Variants in MICAL2 observed in about 807,000 individuals in gnomAD.
MICAL2 encodes microtubule associated monooxygenase, calponin and LIM domain containing 2.
A neutral mutation model predicts 127.3 loss-of-function variants in MICAL2; 77 were observed. That is an observed-to-expected ratio of 0.60 (90% CI 0.50 to 0.73). The LOEUF (loss-of-function observed/expected upper bound fraction) is 0.73. Among genes scored for constraint, MICAL2 ranks in the 30% least tolerant of loss-of-function variants. The pLI is 0.00. For missense variants in MICAL2, 1,351 were observed against 1,434.4 expected (o/e 0.94, Z 0.94); for synonymous variants, 570 against 551.1 (o/e 1.03, Z -0.48).
chr11:12,294,494 G>T (rs371823462), downstream of MICAL2: 1 of 1,614,122 alleles, frequency 6.2e-7, no homozygotes. Context: ...GCCATCCAAG[G>T]TCTTTCCTGC....
At chr11:12,269,466 T>C (rs1863647498) in intron 24 of MICAL2, among the ~76,000 whole-genome samples, 1 of 152,200 alleles carries the variant, frequency 6.6e-6, no homozygotes, top group Non-Finnish European at 1.5e-5. Flanking sequence ...CCTGATACTC[T>C]GGAGCCTGCA....
intron 32 of MICAL2, among the ~76,000 whole-genome samples, chr11:12,329,595 T>C (rs1341620182): frequency 1.3e-5 from 2 of 152,156 alleles, no homozygotes; most frequent in South Asian, 2.1e-4. Context: ...TGGTCCTAGA[T>C]TTTTTATCTG....
intron 32 of MICAL2, among the ~76,000 whole-genome samples, chr11:12,341,581 C>T (rs1425433991): frequency 1.3e-5 from 2 of 152,140 alleles, no homozygotes; most frequent in Non-Finnish European, 2.9e-5. Context: ...AATCCCAGCA[C>T]TTTGGGAGGC....
chr11:12,175,895 CAGAG>C (rs1460441043), intron 3 of MICAL2, among the ~76,000 whole-genome samples: 1 of 151,892 alleles, frequency 6.6e-6, no homozygotes, highest in Non-Finnish European at 1.5e-5. Flanking sequence ...AGAGATGGGC[CAGAG>C]AGAGAGTGGG....
At chr11:12,249,067 C>T (rs1370581492) in intron 21 of MICAL2, 117 bp from the exon 22 acceptor site, 16 of 1,346,278 alleles carry the variant, frequency 1.2e-5, no homozygotes, top group South Asian at 1.3e-5. Flanking sequence ...ACTGCAATGT[C>T]CTAACCTATG....
At chr11:12,213,188 A>G (rs1353283940) in intron 6 of MICAL2, 67 bp from the exon 7 acceptor site, 3 of 1,516,686 alleles carry the variant, frequency 2.0e-6, no homozygotes, top group Non-Finnish European at 2.7e-6. Context: ...AGCTCTCCCA[A>G]TAATCATTTT....
Position 12,262,968 on chromosome 11 carries a change from C to G in MICAL2, c.*17+431C>G, listed in dbSNP as rs3812748. 0.023 allele frequency: 3,752 copies of G among 161,010 alleles called. 251 individuals carry two copies. In the East Asian group the frequency reaches 0.24, roughly 10 times the overall value. 10.0% of individuals were successfully genotyped at this position (161,010 alleles called of 1,614,324 possible). ...ATACCAGCGCCTTCTTAAATTGGCT[C>G]TAATGTAAAGATTGTTAATGTCATT... On this transcript the variant is annotated intron_variant, in intron 27 of 27. Coordinates refer to ENST00000683283, the MANE Select transcript of MICAL2 (RefSeq NM_001282663.2).
downstream of MICAL2, among the ~76,000 whole-genome samples, chr11:12,288,503 C>G (rs982985360): frequency 2.6e-5 from 4 of 152,154 alleles, no homozygotes; most frequent in African/African-American, 9.7e-5. Flanking sequence ...CTGAGCAGCC[C>G]CATGGTGTCT....
chr11:12,271,620 C>T (rs1453771599), upstream of MICAL2, among the ~76,000 whole-genome samples: 2 of 152,238 alleles, frequency 1.3e-5, no homozygotes, highest in Admixed American at 6.5e-5. Context: ...TATGGGCACT[C>T]GATGAGTCAG....
chr11:12,129,163 G>T (rs1312197136), intron 1 of MICAL2, among the ~76,000 whole-genome samples: 3 of 152,052 alleles, frequency 2.0e-5, no homozygotes, highest in East Asian at 1.9e-4. Flanking sequence ...CTGAAGACTT[G>T]TGCCTTGTCC....
downstream of MICAL2, among the ~76,000 whole-genome samples, chr11:12,293,357 G>A (rs1863928622): frequency 6.6e-6 from 1 of 152,128 alleles, no homozygotes; most frequent in Admixed American, 6.5e-5. Context: ...GGGGGTTCCA[G>A]GCAGATCCTG....
chr11:12,354,997 C>A, intron 34 of MICAL2: 2 of 688,930 alleles, frequency 2.9e-6, no homozygotes, highest in Admixed American at 2.8e-5. Flanking sequence ...GCCTGCCTCC[C>A]ACCAGCAGCA....
intron 1 of MICAL2, among the ~76,000 whole-genome samples, chr11:12,280,235 G>A (rs559884728): frequency 2.4e-4 from 36 of 151,936 alleles, no homozygotes; most frequent in East Asian, 1.9e-3. Context: ...CTGAAGTTTC[G>A]GGACCAAGTC....
intron 24 of MICAL2, among the ~76,000 whole-genome samples, chr11:12,270,548 C>G (rs1013813072): frequency 6.6e-6 from 1 of 152,202 alleles, no homozygotes; most frequent in African/African-American, 2.4e-5. Context: ...GCTGCTGCTC[C>G]TCTCTGGGTT....
At chr11:12,309,395 T>C (rs1411890397) in intron 29 of MICAL2, among the ~76,000 whole-genome samples, 2 of 152,160 alleles carry the variant, frequency 1.3e-5, no homozygotes, top group Non-Finnish European at 1.5e-5. Context: ...ATCCACTTTT[T>C]CATTTTTAGC....
intron 21 of MICAL2, among the ~76,000 whole-genome samples, chr11:12,248,252 G>C (rs1310276191): frequency 1.3e-5 from 2 of 152,174 alleles, no homozygotes; most frequent in Admixed American, 6.5e-5. Context: ...AGTCTTGAGG[G>C]CTCTCACGGG....
rs184213557 is a variant in MICAL2 at position 12,244,049 on chromosome 11, G to T, written c.2721G>T (p.Pro907=). ...THPPSPPSRL[P]SPDPAASSSP... ...CTCCATCTCCTCCCTCTCGCCTTCC[G>T]TCTCCTGATCCAGCTGCTTCTTCCT... The change falls in exon 21 of 28, where the codon CCG becomes CCT. Residue 907 remains proline, a synonymous_variant. Transcript: ENST00000683283. 1.3e-5 allele frequency: 21 copies of T among 1,613,860 alleles called. 1 individual carries two copies. Among genetic ancestry groups the T allele is most frequent in the Middle Eastern group, 3.3e-4 (2 of 6,084 alleles).
chr11:12,353,550 T>C (rs886668388), intron 33 of MICAL2, among the ~76,000 whole-genome samples: 11 of 152,250 alleles, frequency 7.2e-5, no homozygotes, highest in Admixed American at 2.0e-4. Flanking sequence ...TCCTCCTTTC[T>C]TCTGAGAACT....
At chr11:12,335,892 C>T (rs922225183) in intron 32 of MICAL2, among the ~76,000 whole-genome samples, 3 of 152,316 alleles carry the variant, frequency 2.0e-5, no homozygotes, top group Non-Finnish European at 2.9e-5. Flanking sequence ...TAGCATGATG[C>T]CTCCAGCTTT....
Sources: gnomAD v4.1 joint callset for allele counts (sites outside exome capture counted in the v4.1 genomes callset) on GRCh38, gnomAD v4.1.1 for gene constraint, MANE v1.5 for transcripts, NCBI Gene and HGNC (gene_info 2026-07-23, HGNC 2026-07-21) for gene names.